Variants in EPG5 observed in about 807,000 individuals in gnomAD.
EPG5 encodes ectopic P-granules 5 autophagy tethering factor.
In EPG5, 159 loss-of-function variants were observed where a neutral mutation model predicts 302.7. The ratio of observed to expected loss-of-function variants is 0.53; its 90% CI spans 0.46 to 0.60. The LOEUF is 0.60. Among genes scored for constraint, EPG5 ranks in the 20% least tolerant of loss-of-function variants. The pLI, the probability that EPG5 is intolerant of heterozygous loss-of-function variation, is 0.00. For synonymous variants in EPG5, 1,158 were observed against 1,136.8 expected (o/e 1.02, Z -0.37); for missense variants, 2,896 against 3,092.4 (o/e 0.94, Z 1.51).
At chr18:45,855,372 CAGCG>C in intron 43 of EPG5, 197 bp downstream of exon 43, 5 of 505,274 alleles carry the variant, frequency 9.9e-6, no homozygotes, top group Non-Finnish European at 1.8e-5. Flanking sequence ...ATGACAGTAG[CAGCG>C]ATCTAGACAA....
intron 13 of EPG5, among the ~76,000 whole-genome samples, chr18:45,926,739 T>C (rs897232755): frequency 7.3e-5 from 11 of 151,492 alleles, no homozygotes; most frequent in Non-Finnish European, 1.0e-4. Flanking sequence ...CTTGAACCCA[T>C]TGGCGGAGGT....
rs139945246 is a variant in EPG5 at position 45,949,652 on chromosome 18, G to T, written c.1390-61C>A. 1.1e-3 allele frequency: 1,239 copies of T among 1,080,478 alleles called. 14 individuals carry two copies. Among genetic ancestry groups the T allele is most frequent in the East Asian group, 5.0e-5 (2 of 40,110 alleles). The allele number at this position is 1,080,478 out of a possible 1,614,324, so 66.9% of individuals were successfully genotyped here. A position where few individuals can be genotyped will look rare whatever the true frequency, so the allele number is the denominator to read the frequency against. ...AATAAAAGAAATAATTTATCTAGGG[G>T]TCTAGTAAAGTCATTTATCCAGTGC... On this transcript the variant is annotated intron_variant, in intron 4 of 43. Transcript: ENST00000282041.
Position 45,852,300 on chromosome 18 carries a change from CACA to C in EPG5, c.*164_*166del. 1 of 608,364 alleles carries C rather than the reference CACA, an allele frequency of 1.6e-6. No homozygotes were observed. The highest frequency in any genetic ancestry group is 1.9e-5 in the African/African-American group (1 of 53,562). The allele number at this position is 608,364 out of a possible 1,614,324, so 37.7% of individuals were successfully genotyped here. A position where few individuals can be genotyped will look rare whatever the true frequency, so the allele number is the denominator to read the frequency against. Reference sequence around the variant, plus strand: ...AAGAAAACACACACACACACACACACACACCCCAAAATTATCTAATATCTAACG... The same window carrying C: ...AAGAAAACACACACACACACACACACCCCCAAAATTATCTAATATCTAACG... On this transcript the variant is annotated 3_prime_UTR_variant, in exon 44 of 44. Coordinates refer to ENST00000282041, the MANE Select transcript of EPG5 (RefSeq NM_020964.3).
chr18:45,894,817 T>C (rs765332757), intron 27 of EPG5, among the ~76,000 whole-genome samples: 2 of 152,182 alleles, frequency 1.3e-5, no homozygotes, highest in African/African-American at 2.4e-5. Flanking sequence ...TAAATGATGC[T>C]GCTAGAAAAA....
chr18:45,940,288 T>C (rs1568174039), intron 9 of EPG5, among the ~76,000 whole-genome samples: 1 of 152,100 alleles, frequency 6.6e-6, no homozygotes, highest in Non-Finnish European at 1.5e-5. Context: ...ATCAGAAAAG[T>C]GGCAGGAAAC....
Position 45,916,122 on chromosome 18 carries a change from G to T in EPG5, c.3469C>A (p.His1157Asn). The T allele has an allele frequency of 6.2e-7, 1 of 1,614,168 alleles. No individual in the cohort carries two copies. Among genetic ancestry groups the T allele is most frequent in the Non-Finnish European group, 8.5e-7 (1 of 1,180,024 alleles). ...ATAGGTTGTTCTCGGTACCAGAGATGCTGGCTTATGAGAGCCTGAACCCAG... is the reference window on the plus strand; with the variant it reads ...ATAGGTTGTTCTCGGTACCAGAGATTCTGGCTTATGAGAGCCTGAACCCAG... The part of the protein sequence containing the change: ...EFWVQALISQ[H>N]LWYREQPILF... The change falls in exon 19 of 44, where the codon CAT becomes AAT. Residue 1157 changes from histidine (H) to asparagine (N), a missense_variant. Coordinates refer to ENST00000282041, the MANE Select transcript of EPG5 (RefSeq NM_020964.3).
In EPG5 at chr18:45,955,298, C is replaced by T. The variant is rs145177562; in HGVS notation, c.104G>A (p.Ser35Asn). The T allele has an allele frequency of 9.5e-4, 1,523 of 1,610,888 alleles. 15 individuals carry two copies. In the African/African-American group the frequency reaches 0.018, roughly 19 times the overall value. Residue 35 changes from serine to asparagine, a missense_variant, in exon 2 of 44, where the codon AGT (serine) becomes AAT (asparagine). By Grantham distance (46) the Ser-to-Asn change is conservative. This residue lies in a region of EPG5 where 1,390 missense variants were observed against 1,430.0 expected (regional missense o/e 0.97). Coordinates refer to ENST00000282041, the MANE Select transcript of EPG5 (RefSeq NM_020964.3). ...GGAGGTTTTTGGAAGGGAGACTTCA[C>T]TGGACTCTTCCCTCTGAGGAGTTTC... ...KYETPQREES[S>N]EVSLPKTSRE...
At chr18:45,914,757 C>T (rs2049990890) in intron 20 of EPG5, among the ~76,000 whole-genome samples, 1 of 152,200 alleles carries the variant, frequency 6.6e-6, no homozygotes. Context: ...TGGGCAGTCT[C>T]TGCAGTCCGG....
At chr18:45,957,829 C>T (rs1254077116) in intron 1 of EPG5, among the ~76,000 whole-genome samples, 1 of 152,164 alleles carries the variant, frequency 6.6e-6, no homozygotes, top group Non-Finnish European at 1.5e-5. Flanking sequence ...AATGCTAAAC[C>T]ATCACAACCT....
chr18:45,932,716 T>C (rs1334715514), intron 11 of EPG5, among the ~76,000 whole-genome samples: 1 of 149,410 alleles, frequency 6.7e-6, no homozygotes, highest in East Asian at 2.0e-4. Flanking sequence ...TTGCAAAGAC[T>C]CCACTCTCAA....
Position 45,916,187 on chromosome 18 carries a change from G to A in EPG5, c.3404C>T (p.Thr1135Ile). Residue 1135 changes from threonine to isoleucine, a missense_variant, in exon 19 of 44, where the codon ACT (threonine) becomes ATT (isoleucine). Coordinates refer to ENST00000282041, the MANE Select transcript of EPG5 (RefSeq NM_020964.3). ...AACGGGGCCCACTTCATTGGGCTGAGTGCTTACAGATATGTGTGCCTGTGG... is the reference window on the plus strand; with the variant it reads ...AACGGGGCCCACTTCATTGGGCTGAATGCTTACAGATATGTGTGCCTGTGG... ...SMIQAHISVS[T>I]QPNEVGPVAV... The A allele has an allele frequency of 1.2e-6, 2 of 1,613,566 alleles. No homozygotes were observed. The highest frequency in any genetic ancestry group is 1.1e-5 in the South Asian group (1 of 91,022).
At chr18:45,813,927 A>T in the EPG5 span, among the ~76,000 whole-genome samples, 2 of 152,278 alleles carry the variant, frequency 1.3e-5, no homozygotes, top group South Asian at 2.1e-4. Flanking sequence ...TTAAAAAATT[A>T]AAAAAATAAA....
chr18:45,898,152 T>C (rs377176527), intron 27 of EPG5, among the ~76,000 whole-genome samples: 1 of 152,138 alleles, frequency 6.6e-6, no homozygotes, highest in African/African-American at 2.4e-5. Flanking sequence ...TTGAGCCCAC[T>C]AGTTTGAGAG....
chr18:45,954,229 C>A (rs1250173645), intron 2 of EPG5, among the ~76,000 whole-genome samples, 165 bp downstream of exon 2: 1 of 152,200 alleles, frequency 6.6e-6, no homozygotes, highest in African/African-American at 2.4e-5. Context: ...ACTCCTCCAG[C>A]TTATACACCT....
chr18:45,891,626 T>C (rs970834581), intron 27 of EPG5, among the ~76,000 whole-genome samples: 6 of 151,956 alleles, frequency 3.9e-5, no homozygotes, highest in Non-Finnish European at 5.9e-5. Flanking sequence ...ACTGTGATAA[T>C]AATAACTTTC....
At chr18:45,872,200 C>T (rs529275947) in intron 35 of EPG5, among the ~76,000 whole-genome samples, 1 of 152,350 alleles carries the variant, frequency 6.6e-6, no homozygotes, top group South Asian at 2.1e-4. Flanking sequence ...TCACGCTTTT[C>T]TGAGACCTGG....
rs746558016 is a variant in EPG5 at position 45,948,530 on chromosome 18, G to C, written c.1544C>G (p.Ser515Cys). The change falls in exon 6 of 44, where the codon TCC becomes TGC. Residue 515 changes from serine to cysteine, a missense_variant. This residue lies in a region of EPG5 where 1,390 missense variants were observed against 1,430.0 expected (regional missense o/e 0.97). Transcript: ENST00000282041. Reference protein sequence around the residue: ...NPSGVFHFMQSLALLMSPVKN... With the variant: ...NPSGVFHFMQCLALLMSPVKN... ...GACAGGAGACATCAGCAGGGCAAGG[G>C]ATTGCATAAAATGAAAGACCCCTGA... 1 of 1,613,768 alleles carries C rather than the reference G, an allele frequency of 6.2e-7. No homozygotes were observed. Among genetic ancestry groups the C allele is most frequent in the African/African-American group, 1.3e-5 (1 of 74,920 alleles).
intron 43 of EPG5, 128 bp downstream of exon 43, chr18:45,855,445 T>A: frequency 1.6e-6 from 1 of 625,230 alleles, no homozygotes; most frequent in South Asian, 2.5e-5. Context: ...GTAGGGCACA[T>A]GAAAGGGAAC....
At chr18:45,836,852 T>A in the EPG5 span, among the ~76,000 whole-genome samples, 1 of 152,190 alleles carries the variant, frequency 6.6e-6, no homozygotes, top group East Asian at 1.9e-4. Context: ...GAAGTGCTGG[T>A]GTCCTCGGAG....
Sources: gnomAD v4.1 joint callset for allele counts (sites outside exome capture counted in the v4.1 genomes callset) on GRCh38, gnomAD v4.1.1 for gene constraint, gnomAD v4.1.1 regional missense constraint, MANE v1.5 for transcripts, NCBI Gene and HGNC (gene_info 2026-07-23, HGNC 2026-07-21) for gene names.